TCF7L2: variants seen among roughly 807,000 people sequenced by gnomAD.
The protein encoded by TCF7L2 is transcription factor 7 like 2.
TCF7L2 carries 23 observed loss-of-function variants against 77.9 expected under a neutral mutation model. The ratio of observed to expected loss-of-function variants is 0.30; its 90% CI spans 0.21 to 0.42. The LOEUF is 0.42. Ranked by LOEUF, TCF7L2 falls within the 10% of genes least tolerant of loss-of-function variation. TCF7L2 has a pLI of 1.00. For synonymous variants in TCF7L2, 413 were observed against 340.2 expected, an observed-to-expected ratio of 1.21 and a Z score of -2.36; for missense variants, 654 against 793.1, an observed-to-expected ratio of 0.82 and a Z score of 2.11.
At chr10:113,160,583 T>G (rs776614779) in intron 12 of TCF7L2, 16 of 1,558,348 alleles carry the variant, frequency 1.0e-5, no homozygotes, top group Non-Finnish European at 1.4e-5. Context: ...GACCCACCAT[T>G]GTGTTGTATT....
chr10:113,068,748 C>T (rs1160041221), intron 5 of TCF7L2, among the ~76,000 whole-genome samples: 1 of 152,060 alleles, frequency 6.6e-6, no homozygotes. Context: ...TCTGGAAGCT[C>T]GTCCCGTCCG....
At chr10:112,961,893 A>ATGTGTG (rs112146089) in intron 3 of TCF7L2, among the ~76,000 whole-genome samples, 8 of 148,536 alleles carry the variant, frequency 5.4e-5, no homozygotes, top group African/African-American at 1.8e-4. Context: ...GTGTGCGTGT[A>ATGTGTG]TGTGTGTGTG....
At chr10:113,091,027 G>A (rs1396359616) in intron 5 of TCF7L2, among the ~76,000 whole-genome samples, 4 of 151,976 alleles carry the variant, frequency 2.6e-5, no homozygotes, top group South Asian at 2.1e-4. Flanking sequence ...TCAGCCTCCC[G>A]AGTAGCTGGG....
intron 4 of TCF7L2, among the ~76,000 whole-genome samples, chr10:112,965,790 C>T (rs771155241): frequency 5.3e-5 from 8 of 151,958 alleles, no homozygotes; most frequent in Non-Finnish European, 1.0e-4. Flanking sequence ...GGAATTATTC[C>T]GCCAGTGAAA....
intron 5 of TCF7L2, among the ~76,000 whole-genome samples, chr10:113,107,257 G>T (rs572867259): frequency 1.3e-5 from 2 of 152,264 alleles, no homozygotes; most frequent in African/African-American, 4.8e-5. Context: ...TGGGTACTGG[G>T]TGGGTGGGTG....
chr10:113,048,725 A>G (rs762996401), intron 5 of TCF7L2, among the ~76,000 whole-genome samples: 1 of 152,150 alleles, frequency 6.6e-6, no homozygotes, highest in Non-Finnish European at 1.5e-5. Context: ...AAGCTCCAGA[A>G]AGTCAGGCTG....
intron 3 of TCF7L2, among the ~76,000 whole-genome samples, chr10:112,952,604 G>C (rs1333570236): frequency 3.9e-5 from 6 of 152,176 alleles, no homozygotes. Flanking sequence ...GGCCCGTCGT[G>C]GGCCCCAGGG....
intron 4 of TCF7L2, among the ~76,000 whole-genome samples, chr10:112,965,355 A>T (rs1003315110): frequency 1.3e-5 from 2 of 152,168 alleles, no homozygotes; most frequent in Admixed American, 6.5e-5. Flanking sequence ...GCAGTAGAGG[A>T]GGGAGAGCAG....
At chr10:113,133,856 A>G (rs138546029) in intron 5 of TCF7L2, among the ~76,000 whole-genome samples, 3 of 152,232 alleles carry the variant, frequency 2.0e-5, no homozygotes, top group Admixed American at 6.5e-5. Flanking sequence ...CACCCTTCCT[A>G]GGAGGCTCTC....
Position 112,950,766 on chromosome 10 carries a change from C to T in TCF7L2, c.10C>T (p.Leu4=), listed in dbSNP as rs182211983. The T allele has an allele frequency of 4.0e-4, 635 of 1,568,664 alleles. 2 individuals carry two copies. In the African/African-American group the frequency reaches 7.3e-3, roughly 18 times the overall value. Residue 4 remains leucine (L), a synonymous_variant, in exon 1 of 14, where the codon CTG becomes TTG. Coordinates refer to ENST00000627217, the MANE Select transcript of TCF7L2 (RefSeq NM_001146274.2). ...GGTGGGTGAAAAAAAAATGCCGCAG[C>T]TGAACGGCGGTGGAGGGGATGACCT... is the stretch of plus-strand genomic sequence containing the variant.
intron 5 of TCF7L2, among the ~76,000 whole-genome samples, chr10:113,057,025 A>T (rs1393369793): frequency 6.6e-6 from 1 of 152,244 alleles, no homozygotes. Flanking sequence ...CAAACCACTT[A>T]TAACAAATGA....
At chr10:113,108,961 G>T (rs1331809832) in intron 5 of TCF7L2, among the ~76,000 whole-genome samples, 1 of 152,130 alleles carries the variant, frequency 6.6e-6, no homozygotes, top group African/African-American at 2.4e-5. Context: ...AAAATCAGAA[G>T]GCAGATAGGC....
At chr10:113,077,358 C>T (rs528933991) in intron 5 of TCF7L2, among the ~76,000 whole-genome samples, 1 of 152,172 alleles carries the variant, frequency 6.6e-6, no homozygotes, top group South Asian at 2.1e-4. Context: ...ACATACCATG[C>T]AGTTCACCCA....
chr10:113,029,615 C>T (rs1225188228), intron 4 of TCF7L2, among the ~76,000 whole-genome samples: 2 of 151,502 alleles, frequency 1.3e-5, no homozygotes, highest in Non-Finnish European at 2.9e-5. Flanking sequence ...CAACCTCCAC[C>T]TCCTGGGTTC....
At chr10:113,083,259 GAC>G (rs10649541) in intron 5 of TCF7L2, among the ~76,000 whole-genome samples, 1,544 of 143,414 alleles carry the variant, frequency 0.011, 7 homozygotes, top group South Asian at 0.026. Context: ...TATACTGATA[GAC>G]ACACACACAC....
At position 113,166,158 on chromosome 10, in the gene TCF7L2, T is replaced by C. The variant is rs1343659749; in HGVS notation, c.*186T>C. ...ACCCATTCTTATTTCAATTTCTCCT[T>C]TTAAATATGTAGATGAGAGAAGAAC... On this transcript the variant is annotated 3_prime_UTR_variant, in exon 14 of 14. Coordinates refer to ENST00000627217, the MANE Select transcript of TCF7L2 (RefSeq NM_001146274.2). The C allele has an allele frequency of 4.0e-6, 2 of 501,762 alleles. No individual in the cohort carries two copies. Among genetic ancestry groups the C allele is most frequent in the Non-Finnish European group, 6.3e-6 (2 of 317,744 alleles). The allele number at this position is 501,762 out of a possible 1,614,324, so 31.1% of individuals were successfully genotyped here. A position where few individuals can be genotyped will look rare whatever the true frequency, so the allele number is the denominator to read the frequency against.
Position 113,029,993 on chromosome 10 carries a change from T to A in TCF7L2, c.451-10032T>A, listed in dbSNP as rs563916999. On this transcript the variant is annotated intron_variant, in intron 4 of 13. Transcript: ENST00000627217. ...TGGTTTTTTAGTCTATTTAGTATAT[T>A]TACAAGATTGTACAAACATACCAGT... Among the ~76,000 whole-genome samples the A allele has an allele frequency of 3.3e-5, 5 of 152,302 alleles. 1 individual carries two copies. Among genetic ancestry groups the A allele is most frequent in the African/African-American group, 1.2e-4 (5 of 41,560 alleles).
intron 4 of TCF7L2, among the ~76,000 whole-genome samples, chr10:112,994,256 C>A (rs1461949598): frequency 6.6e-6 from 1 of 152,136 alleles, no homozygotes; most frequent in Non-Finnish European, 1.5e-5. Flanking sequence ...CATTTCCTCT[C>A]CCCCCAGCCC....
intron 5 of TCF7L2, among the ~76,000 whole-genome samples, chr10:113,049,287 G>T (rs943238613): frequency 1.3e-5 from 2 of 151,832 alleles, no homozygotes; most frequent in Non-Finnish European, 2.9e-5. Context: ...CGTCTTTAGT[G>T]CACTCTCTCC....
Sources: allele counts gnomAD v4.1 joint callset (sites outside exome capture counted in the v4.1 genomes callset), GRCh38; gene constraint gnomAD v4.1.1; transcripts MANE v1.5; gene names NCBI Gene and HGNC (gene_info 2026-07-23, HGNC 2026-07-21).